Variants in CCDC175 observed in about 807,000 individuals in gnomAD.
CCDC175 encodes coiled-coil domain containing 175.
A neutral mutation model predicts 114.6 loss-of-function variants in CCDC175; 100 were observed. That is an observed-to-expected ratio of 0.87 (90% CI 0.74 to 1.03). The LOEUF is 1.03. CCDC175 is among the 50% of genes least tolerant of loss of function. The pLI, the probability that CCDC175 is intolerant of heterozygous loss-of-function variation, is 0.00. For missense variants in CCDC175, 880 were observed against 917.8 expected, an observed-to-expected ratio of 0.96 and a Z score of 0.53; for synonymous variants, 306 against 308.7, an observed-to-expected ratio of 0.99 and a Z score of 0.09.
chr14:59,537,046 G>A (rs185301077), intron 13 of CCDC175, among the ~76,000 whole-genome samples: 1 of 152,192 alleles, frequency 6.6e-6, no homozygotes, highest in Non-Finnish European at 1.5e-5. Context: ...CTCCCAAAGT[G>A]CTGGGATTAC....
At chr14:59,573,510 T>A (rs1234402884) in intron 2 of CCDC175, among the ~76,000 whole-genome samples, 1 of 152,180 alleles carries the variant, frequency 6.6e-6, no homozygotes, top group Non-Finnish European at 1.5e-5. Context: ...GCATTAATAG[T>A]GATTATTTTA....
intron 16 of CCDC175, among the ~76,000 whole-genome samples, chr14:59,521,976 ACAAAAATGTTCCTTATG>A (rs1438186225): frequency 6.6e-6 from 1 of 152,236 alleles, no homozygotes; most frequent in Non-Finnish European, 1.5e-5. Context: ...TATGTCCACA[ACAAAAATGTTCCTTATG>A]CAAAATGTGT....
chr14:59,574,412 A>G (rs1438094205), intron 2 of CCDC175, among the ~76,000 whole-genome samples: 2 of 152,218 alleles, frequency 1.3e-5, no homozygotes, highest in Non-Finnish European at 2.9e-5. Flanking sequence ...TTTCTTCAAC[A>G]TGTCTTTGAT....
intron 11 of CCDC175, among the ~76,000 whole-genome samples, chr14:59,539,048 G>A (rs1894594077): frequency 6.6e-6 from 1 of 152,114 alleles, no homozygotes; most frequent in Non-Finnish European, 1.5e-5. Flanking sequence ...AGAGTAAGAA[G>A]TTACATCTAC....
intron 8 of CCDC175, among the ~76,000 whole-genome samples, chr14:59,546,079 C>A (rs1256486165): frequency 6.6e-6 from 1 of 152,082 alleles, no homozygotes; most frequent in Non-Finnish European, 1.5e-5. Context: ...TGCCCATGAA[C>A]AGTGGATTGG....
At chr14:59,557,451 C>T (rs974094286) in intron 7 of CCDC175, among the ~76,000 whole-genome samples, 6 of 133,204 alleles carry the variant, frequency 4.5e-5, no homozygotes, top group African/African-American at 1.7e-4. Flanking sequence ...GAACCTCACA[C>T]ACCGGGGCCT....
At chr14:59,561,294 T>G (rs536223172) in intron 6 of CCDC175, 66 bp from the exon 7 acceptor site, 2 of 756,960 alleles carry the variant, frequency 2.6e-6, no homozygotes, top group East Asian at 2.7e-5. Context: ...AGCAGTTCAA[T>G]TCCACTCAAT....
intron 17 of CCDC175, among the ~76,000 whole-genome samples, chr14:59,520,932 A>G (rs562984865): frequency 3.9e-5 from 6 of 152,350 alleles, no homozygotes; most frequent in African/African-American, 7.2e-5. Flanking sequence ...TAGCATGTAC[A>G]TTTGTCAAAT....
At chr14:59,544,904 A>C (rs1895014238) in intron 9 of CCDC175, among the ~76,000 whole-genome samples, 1 of 152,200 alleles carries the variant, frequency 6.6e-6, no homozygotes, top group Non-Finnish European at 1.5e-5. Context: ...TGTAAGCTAG[A>C]AAAGGGCCCT....
At chr14:59,533,239 CACCAA>C (rs1894172500) in intron 13 of CCDC175, among the ~76,000 whole-genome samples, 1 of 152,186 alleles carries the variant, frequency 6.6e-6, no homozygotes, top group South Asian at 2.1e-4. Context: ...TTAAGAGAGC[CACCAA>C]ACCCAGGGAA....
chr14:59,569,769 T>C (rs936942226), intron 3 of CCDC175, among the ~76,000 whole-genome samples: 3 of 152,146 alleles, frequency 2.0e-5, no homozygotes, highest in African/African-American at 4.8e-5. Flanking sequence ...GATAGAAATC[T>C]CACAGTAAAT....
At chr14:59,560,739 TC>T (rs1300959154) in intron 7 of CCDC175, among the ~76,000 whole-genome samples, 1 of 152,164 alleles carries the variant, frequency 6.6e-6, no homozygotes, top group Non-Finnish European at 1.5e-5. Flanking sequence ...TTGGCAAGTA[TC>T]CTTTGAGTAA....
At chr14:59,542,380 T>C (rs1894840932) in intron 10 of CCDC175, among the ~76,000 whole-genome samples, 1 of 152,164 alleles carries the variant, frequency 6.6e-6, no homozygotes, top group African/African-American at 2.4e-5. Context: ...TGTACAATGG[T>C]AGAATATTTA....
At chr14:59,550,101 G>A (rs187069524) in intron 8 of CCDC175, among the ~76,000 whole-genome samples, 7 of 152,156 alleles carry the variant, frequency 4.6e-5, no homozygotes, top group African/African-American at 1.7e-4. Context: ...TAGAAATGGG[G>A]TTTCACCATA....
intron 6 of CCDC175, among the ~76,000 whole-genome samples, chr14:59,561,787 G>T (rs534795481): frequency 1.3e-5 from 2 of 152,290 alleles, no homozygotes; most frequent in African/African-American, 2.4e-5. Flanking sequence ...CGACATTTTT[G>T]CAATGCAATT....
Position 59,510,221 on chromosome 14 carries a change from C to A in CCDC175, c.2305+425G>T, listed in dbSNP as rs374219215. ...AAGCATGTTAGATATGATGTGTTAACATCTCAGAAGCCCCCGCAGCCATCA... is the reference window on the plus strand; with the variant it reads ...AAGCATGTTAGATATGATGTGTTAAAATCTCAGAAGCCCCCGCAGCCATCA... On this transcript the variant is annotated intron_variant, in intron 19 of 19. Coordinates refer to ENST00000537690, the MANE Select transcript of CCDC175 (RefSeq NM_001164399.2). Among the ~76,000 whole-genome samples the A allele has an allele frequency of 1.3e-4, 20 of 152,288 alleles. 2 individuals carry two copies. The highest frequency in any genetic ancestry group is 8.5e-4 in the Admixed American group (13 of 15,294).
At chr14:59,540,838 C>G in intron 10 of CCDC175, 92 bp from the exon 11 acceptor site, 1 of 1,079,252 alleles carries the variant, frequency 9.3e-7, no homozygotes, top group South Asian at 1.5e-5. Flanking sequence ...CTCAGTAAGG[C>G]TATAGTCTAA....
Position 59,569,977 on chromosome 14 carries a change from C to T in CCDC175, c.356-1597G>A, listed in dbSNP as rs138795252. Among the ~76,000 whole-genome samples, 204 of 152,264 alleles carry T rather than the reference C, an allele frequency of 1.3e-3. 1 individual carries two copies. Among genetic ancestry groups the T allele is most frequent in the African/African-American group, 4.3e-3 (179 of 41,538 alleles). ...TGGGAGCTAGGCCTCATTAGAGAGG[C>T]TGCGTCTCATTAGATCGTAAAGAAG... is the stretch of plus-strand genomic sequence containing the variant. On this transcript the variant is annotated intron_variant, in intron 3 of 19. Transcript: ENST00000537690.
chr14:59,565,128 T>G lies in CCDC175; in HGVS notation c.639A>C (p.Lys213Asn). Residue 213 changes from lysine to asparagine, a missense_variant, in exon 5 of 20, where the codon AAA (lysine) becomes AAC (asparagine). By Grantham distance (94) the Lys-to-Asn change is moderately conservative. Transcript: ENST00000537690. ...NLKREDIALQ[K>N]KCIQEAEELM... The stretch of plus-strand genomic sequence containing the variant: ...GCTCCTCTGCCTCTTGAATACATTT[T>G]TTTTGCAATGCTATGTCTTCTCTCT... The G allele has an allele frequency of 1.3e-6, 2 of 1,537,890 alleles. No homozygotes were observed. Among genetic ancestry groups the G allele is most frequent in the Non-Finnish European group, 1.7e-6 (2 of 1,147,034 alleles).
Sources: gnomAD v4.1 joint callset for allele counts (sites outside exome capture counted in the v4.1 genomes callset) on GRCh38, gnomAD v4.1.1 for gene constraint, MANE v1.5 for transcripts, NCBI Gene and HGNC (gene_info 2026-07-23, HGNC 2026-07-21) for gene names.